CNTLN: variants seen among roughly 807,000 people sequenced by gnomAD.
CNTLN encodes centlein.
Under a neutral mutation model 180.0 loss-of-function variants are expected in CNTLN, and 212 were observed. The ratio of observed to expected loss-of-function variants is 1.18; its 90% CI spans 1.05 to 1.32. The LOEUF (loss-of-function observed/expected upper bound fraction) is 1.32, where lower values mean the gene tolerates loss of function less well. CNTLN is among the 40% of genes most tolerant of loss of function. The pLI is 0.00. For synonymous variants in CNTLN, 722 were observed against 563.1 expected, an observed-to-expected ratio of 1.28 and a Z score of -3.99; for missense variants, 2,095 against 1,610.9, an observed-to-expected ratio of 1.30 and a Z score of -5.14.
intron 5 of CNTLN, among the ~76,000 whole-genome samples, chr9:17,268,379 C>T (rs559889733): frequency 1.3e-5 from 2 of 152,284 alleles, no homozygotes; most frequent in African/African-American, 4.8e-5. Flanking sequence ...ATGCTGCTGC[C>T]TGATCGTTCC....
At chr9:17,247,749 G>A (rs1411481787) in intron 5 of CNTLN, among the ~76,000 whole-genome samples, 1 of 150,850 alleles carries the variant, frequency 6.6e-6, no homozygotes, top group Non-Finnish European at 1.5e-5. Context: ...TCATTATGAA[G>A]GGAATATTGG....
rs1280189786 is a variant in CNTLN at position 17,285,457 on chromosome 9, A to G, written c.983+11591A>G. Among the ~76,000 whole-genome samples, 4 of 147,910 alleles carry G rather than the reference A, an allele frequency of 2.7e-5. No homozygotes were observed. In the South Asian group the frequency reaches 6.8e-4, roughly 25 times the overall value. On this transcript the variant is annotated intron_variant, in intron 6 of 25. Coordinates refer to ENST00000380647, the MANE Select transcript of CNTLN (RefSeq NM_017738.4). ...CTTTGCTGTTGTGAATAATGCCACA[A>G]TAAACATACGTGTGCATGTGTCTTT...
At chr9:17,349,191 A>T (rs1822166539) in intron 12 of CNTLN, among the ~76,000 whole-genome samples, 1 of 151,882 alleles carries the variant, frequency 6.6e-6, no homozygotes, top group South Asian at 2.1e-4. Flanking sequence ...TTGTTTTATT[A>T]TGTTCTGGGT....
chr9:17,171,092 CTTG>C (rs548711600), intron 2 of CNTLN, among the ~76,000 whole-genome samples: 6 of 152,260 alleles, frequency 3.9e-5, no homozygotes, highest in Admixed American at 1.3e-4. Flanking sequence ...GGAATGAATC[CTTG>C]TTGTTAAGTT....
intron 18 of CNTLN, among the ~76,000 whole-genome samples, chr9:17,439,782 G>A (rs911637354): frequency 6.6e-6 from 1 of 152,186 alleles, no homozygotes; most frequent in Non-Finnish European, 1.5e-5. Context: ...GGGCCCCCAT[G>A]ATGGGATTAA....
intron 5 of CNTLN, among the ~76,000 whole-genome samples, chr9:17,241,314 T>G (rs1163862908): frequency 6.6e-6 from 1 of 152,226 alleles, no homozygotes; most frequent in Admixed American, 6.5e-5. Flanking sequence ...CTGAAGACAC[T>G]GTCTTCCCAA....
downstream of CNTLN, among the ~76,000 whole-genome samples, chr9:17,507,104 C>T (rs1331247097): frequency 2.0e-5 from 3 of 152,122 alleles, no homozygotes; most frequent in Non-Finnish European, 2.9e-5. Flanking sequence ...AAGTAGCAAA[C>T]AGTACCTGAT....
intron 2 of CNTLN, among the ~76,000 whole-genome samples, chr9:17,200,724 G>C (rs1056803884): frequency 6.6e-6 from 1 of 152,150 alleles, no homozygotes; most frequent in Non-Finnish European, 1.5e-5. Flanking sequence ...ACCAGCATAA[G>C]GAGTTTTGGG....
In CNTLN at chr9:17,349,895, G is replaced by A. The variant is rs565732227; in HGVS notation, c.1886+7451G>A. Among the ~76,000 whole-genome samples the A allele has an allele frequency of 2.8e-4, 42 of 152,254 alleles. 1 individual carries two copies. Among genetic ancestry groups the A allele is most frequent in the African/African-American group, 9.9e-4 (41 of 41,558 alleles). ...GGCTGAACATACAGTATAGTTTCAAGCTCTAGGAAGGCTTAATTTAAATAG... is the reference window on the plus strand; with the variant it reads ...GGCTGAACATACAGTATAGTTTCAAACTCTAGGAAGGCTTAATTTAAATAG... On this transcript the variant is annotated intron_variant, in intron 12 of 25. Transcript: ENST00000380647.
intron 8 of CNTLN, among the ~76,000 whole-genome samples, chr9:17,309,938 G>A (rs1241200918): frequency 1.3e-5 from 2 of 151,972 alleles, no homozygotes; most frequent in Admixed American, 6.6e-5. Context: ...GTAATGGATT[G>A]TAATTTTTGA....
chr9:17,335,138 T>C (rs1367679098), intron 10 of CNTLN, among the ~76,000 whole-genome samples: 1 of 152,190 alleles, frequency 6.6e-6, no homozygotes, highest in Non-Finnish European at 1.5e-5. Context: ...TTTCAACAGA[T>C]TAAATGACAT....
chr9:17,172,889 C>G (rs1366803538), intron 2 of CNTLN, among the ~76,000 whole-genome samples: 1 of 152,084 alleles, frequency 6.6e-6, no homozygotes, highest in Admixed American at 6.5e-5. Flanking sequence ...TTTATTTATG[C>G]TGATGTTTCA....
At chr9:17,418,773 A>G (rs1828466917) in intron 18 of CNTLN, among the ~76,000 whole-genome samples, 1 of 152,054 alleles carries the variant, frequency 6.6e-6, no homozygotes. Flanking sequence ...AATAATTAAC[A>G]TTTAAGACAG....
chr9:17,462,230 T>C (rs1052099898), intron 19 of CNTLN, among the ~76,000 whole-genome samples: 5 of 151,738 alleles, frequency 3.3e-5, no homozygotes, highest in African/African-American at 1.2e-4. Flanking sequence ...AAACCAAAGA[T>C]TTCCCTAGTT....
intron 12 of CNTLN, among the ~76,000 whole-genome samples, chr9:17,344,907 G>A (rs563757252): frequency 5.3e-5 from 8 of 152,042 alleles, no homozygotes; most frequent in Non-Finnish European, 2.9e-5. Context: ...TCTTCCTACC[G>A]CCACTAATAC....
intron 25 of CNTLN, among the ~76,000 whole-genome samples, chr9:17,498,311 T>C (rs1299480448): frequency 6.6e-6 from 1 of 152,152 alleles, no homozygotes; most frequent in Non-Finnish European, 1.5e-5. Context: ...TCTGCAGTCA[T>C]CATTTATATC....
At chr9:17,460,600 C>G (rs1459454984) in intron 19 of CNTLN, among the ~76,000 whole-genome samples, 1 of 151,700 alleles carries the variant, frequency 6.6e-6, no homozygotes, top group African/African-American at 2.4e-5. Context: ...TTTTGAGGAT[C>G]AAATGAAATA....
intron 25 of CNTLN, among the ~76,000 whole-genome samples, chr9:17,501,013 G>T (rs1885169): frequency 0.72 from 110,128 of 152,074 alleles, 40,483 homozygotes; most frequent in East Asian, 0.97. Context: ...TATTCTTTTT[G>T]CTTATCTCTA....
At position 17,502,620 on chromosome 9, in the gene CNTLN, G is replaced by C. The variant is rs771085645; in HGVS notation, c.4189G>C (p.Gly1397Arg). The C allele has an allele frequency of 2.9e-6, 4 of 1,376,836 alleles. No homozygotes were observed. The East Asian group carries it at 9.6e-5, about 33-fold the overall frequency. 85.3% of individuals were successfully genotyped at this position (1,376,836 alleles called of 1,614,324 possible). A position where few individuals can be genotyped will look rare whatever the true frequency, so the allele number is the denominator to read the frequency against. ...AAATGAAAAAAAGAAACTAGTTGAA[G>C]GATATTTCACAATTATGAAAGATAT... ...KINEKKKLVEGYFTIMKDIR is the reference protein window; with the variant it reads ...KINEKKKLVERYFTIMKDIR The change falls in exon 26 of 26, where the codon GGA becomes CGA. Residue 1397 changes from glycine (G) to arginine (R), a missense_variant. By Grantham distance (125) the Gly-to-Arg change is moderately radical. Transcript: ENST00000380647.
Sources: allele counts gnomAD v4.1 joint callset (sites outside exome capture counted in the v4.1 genomes callset), GRCh38; gene constraint gnomAD v4.1.1; transcripts MANE v1.5; gene names NCBI Gene and HGNC (gene_info 2026-07-23, HGNC 2026-07-21).